The following ADGRD1 variants were observed in gnomAD, a reference collection of about 807,000 sequenced individuals.
ADGRD1 encodes the protein adhesion G protein-coupled receptor D1.
ADGRD1 carries 77 observed loss-of-function variants against 113.4 expected under a neutral mutation model. That is an observed-to-expected ratio of 0.68 (90% CI 0.57 to 0.82). ADGRD1 has a LOEUF of 0.82. ADGRD1 is among the 40% of genes least tolerant of loss of function. The pLI is 0.00. For missense variants in ADGRD1, 1,036 were observed against 1,139.1 expected, an observed-to-expected ratio of 0.91 and a Z score of 1.30; for synonymous variants, 474 against 475.0, an observed-to-expected ratio of 1.00 and a Z score of 0.03.
chr12:131,088,558 C>T (rs898087271), intron 15 of ADGRD1, among the ~76,000 whole-genome samples: 1 of 152,098 alleles, frequency 6.6e-6, no homozygotes, highest in African/African-American at 2.4e-5. Flanking sequence ...CAAGGACAGT[C>T]CGGGCAGAGG....
Position 131,132,055 on chromosome 12 carries a change from C to T in ADGRD1, c.2267+239C>T, listed in dbSNP as rs369293691. Among the ~76,000 whole-genome samples, 32 of 152,292 alleles carry T rather than the reference C, an allele frequency of 2.1e-4. 3 individuals are homozygous for T. The highest frequency in any genetic ancestry group is 1.1e-3 in the Admixed American group (17 of 15,300). On this transcript the variant is annotated intron_variant, in intron 21 of 24. Transcript: ENST00000261654. ...CCCATGTGTAGAAGAACGGAGTCTA[C>T]GGAGTTCTCCTAGGGATTTCTTCAC...
intron 13 of ADGRD1, among the ~76,000 whole-genome samples, chr12:131,028,630 G>A (rs993893153): frequency 6.6e-6 from 1 of 152,176 alleles, no homozygotes; most frequent in Non-Finnish European, 1.5e-5. Context: ...TGCAGTAGGG[G>A]TTGAGACTGA....
chr12:131,106,025 G>T (rs991010684), intron 17 of ADGRD1, among the ~76,000 whole-genome samples, 160 bp downstream of exon 17: 4 of 151,828 alleles, frequency 2.6e-5, no homozygotes, highest in African/African-American at 4.8e-5. Flanking sequence ...AGATCGTGAC[G>T]TGCATGAGCT....
At chr12:130,997,569 C>T (rs570715801) in intron 8 of ADGRD1, among the ~76,000 whole-genome samples, 157 of 149,688 alleles carry the variant, frequency 1.0e-3, no homozygotes, top group Non-Finnish European at 1.7e-3. Flanking sequence ...CCAGACGGGG[C>T]GGCGGGGCAA....
chr12:130,982,277 G>A (rs61936902), intron 5 of ADGRD1, among the ~76,000 whole-genome samples: 4,453 of 152,286 alleles, frequency 0.029, 87 homozygotes, highest in Non-Finnish European at 0.044. Flanking sequence ...TGCAGAGCCT[G>A]GGCTCCGTCT....
At chr12:131,129,425 CCCGCCCTGCTGTCTGGGTGTGACAGG>C (rs1167693395) in intron 20 of ADGRD1, among the ~76,000 whole-genome samples, 1,958 of 131,132 alleles carry the variant, frequency 0.015, 20 homozygotes, top group Middle Eastern at 0.042. Context: ...GAGTGACAGG[CCCGCCCTGCTGTCTGGGTGTGACAGG>C]CCCGCCCTGC....
intron 2 of ADGRD1, among the ~76,000 whole-genome samples, chr12:130,964,019 G>T (rs1031948684): frequency 6.6e-6 from 1 of 152,088 alleles, no homozygotes; most frequent in Admixed American, 6.5e-5. Context: ...AAACTTATGA[G>T]CAAGGTTGGG....
At chr12:130,997,248 G>T (rs1875651152) in intron 8 of ADGRD1, among the ~76,000 whole-genome samples, 2 of 148,706 alleles carry the variant, frequency 1.3e-5, no homozygotes, top group Admixed American at 1.3e-4. Context: ...CCCAGTAGGG[G>T]CGGCTGGGCA....
At chr12:131,127,798 C>T (rs34049212) in intron 20 of ADGRD1, among the ~76,000 whole-genome samples, 31 of 90,996 alleles carry the variant, frequency 3.4e-4, no homozygotes, top group African/African-American at 5.3e-4. Context: ...GTGATGGGAC[C>T]CTGAGCTCAG....
rs1224623484 is a variant in ADGRD1, at chr12:130,954,023, A to T, written c.-443A>T. 1 of 155,530 alleles carries T rather than the reference A, an allele frequency of 6.4e-6. No homozygotes were observed. The highest frequency in any genetic ancestry group is 2.4e-5 in the African/African-American group (1 of 41,580). The allele number at this position is 155,530 out of a possible 1,614,324, so 9.6% of individuals were successfully genotyped here. On this transcript the variant is annotated 5_prime_UTR_variant, in exon 1 of 25. Transcript: ENST00000261654. The surrounding 1 kb of genome is among the most constrained non-coding windows in gnomAD (Gnocchi z 4.7). The stretch of plus-strand genomic sequence containing the variant: ...GGAGCAGGCGGGCGCTCCAGGGGAA[A>T]ACCACGCACAAAACCTTCTTCAGAG...
chr12:131,052,160 C>T (rs1883458207), intron 13 of ADGRD1, among the ~76,000 whole-genome samples: 1 of 152,174 alleles, frequency 6.6e-6, no homozygotes, highest in African/African-American at 2.4e-5. Context: ...AGGAGCCGAG[C>T]TAAGGGGAGG....
At chr12:131,023,748 G>C (rs1879607339) in intron 13 of ADGRD1, 1 of 152,186 alleles carries the variant, frequency 6.6e-6, no homozygotes, top group Non-Finnish European at 1.5e-5. Flanking sequence ...TAAATAACTT[G>C]TTGCAGCAAA....
intron 13 of ADGRD1, among the ~76,000 whole-genome samples, chr12:131,028,778 G>A (rs748188574): frequency 2.6e-5 from 4 of 152,204 alleles, no homozygotes; most frequent in Non-Finnish European, 4.4e-5. Flanking sequence ...TGCTCTGTCC[G>A]TCATCCCATT....
Position 131,060,550 on chromosome 12 carries a change from C to T in ADGRD1, c.1474-16251C>T, listed in dbSNP as rs1181643339. Among the ~76,000 whole-genome samples, 3 of 152,160 alleles carry T rather than the reference C, an allele frequency of 2.0e-5. No homozygotes were observed. Among genetic ancestry groups the T allele is most frequent in the Admixed American group, 6.5e-5 (1 of 15,270 alleles). On this transcript the variant is annotated intron_variant, in intron 13 of 24. Coordinates refer to ENST00000261654, the MANE Select transcript of ADGRD1 (RefSeq NM_198827.5). This position sits in a 1 kb window ranked among gnomAD's most constrained non-coding sequence, Gnocchi z 4.4. ...CAAGTCAGTCCTGGGTGACAGAGGC[C>T]GTGGCCAAGGGGGCCTTACGGACAC...
At chr12:131,122,812 C>T (rs1412284566) in intron 20 of ADGRD1, among the ~76,000 whole-genome samples, 4 of 152,174 alleles carry the variant, frequency 2.6e-5, no homozygotes, top group African/African-American at 4.8e-5. Flanking sequence ...GCTGGGGTTC[C>T]GAGGTGGCTC....
Position 130,982,005 on chromosome 12 carries a change from T to C in ADGRD1, c.432T>C (p.Ser144=). Residue 144 remains serine (S), a synonymous_variant, in exon 5 of 25, where the codon TCT becomes TCC. Transcript: ENST00000261654. ...TCTGCTCCAGCGGTGGCAGAGGCTC[T>C]GTGGAGCTGTATACGCGGGACAATT... is the stretch of plus-strand genomic sequence containing the variant. ...FKVCSSGGRG[S]VELYTRDNSM... The C allele has an allele frequency of 6.2e-7, 1 of 1,614,004 alleles. No individual in the cohort carries two copies.
intron 2 of ADGRD1, among the ~76,000 whole-genome samples, chr12:130,958,890 G>C (rs1401768488): frequency 6.6e-6 from 1 of 152,216 alleles, no homozygotes; most frequent in Admixed American, 6.5e-5. Flanking sequence ...CTGCGGTGGT[G>C]TCACGCCCTC....
intron 21 of ADGRD1, 99 bp from the exon 22 acceptor site, chr12:131,135,938 T>C: frequency 1.5e-6 from 2 of 1,336,742 alleles, no homozygotes; most frequent in South Asian, 1.3e-5. Context: ...GGCAGGGCGG[T>C]GCCTGCACCC....
intron 13 of ADGRD1, among the ~76,000 whole-genome samples, chr12:131,014,859 CAG>C (rs1158992286): frequency 2.6e-5 from 4 of 152,212 alleles, no homozygotes; most frequent in Non-Finnish European, 5.9e-5. Context: ...GTAGGACTGA[CAG>C]AGACATTGGG....
Sources: gnomAD v4.1 joint callset for allele counts (sites outside exome capture counted in the v4.1 genomes callset) on GRCh38, gnomAD v4.1.1 for gene constraint, Gnocchi (gnomAD v3.1) non-coding constraint, MANE v1.5 for transcripts, NCBI Gene and HGNC (gene_info 2026-07-23, HGNC 2026-07-21) for gene names.